Variants in TLN2 observed in about 807,000 individuals in gnomAD.
The protein encoded by TLN2 is talin-2.
A neutral mutation model predicts 294.7 loss-of-function variants in TLN2; 118 were observed. The ratio of observed to expected loss-of-function variants is 0.40; its 90% confidence interval spans 0.34 to 0.47. The LOEUF (loss-of-function observed/expected upper bound fraction) is 0.47. Among genes scored for constraint, TLN2 ranks in the 20% least tolerant of loss-of-function variants. The probability of loss-of-function intolerance (pLI) is 0.84; values close to 1 mark genes in which losing one functional copy is unlikely to be tolerated. For synonymous variants in TLN2, 1,431 were observed against 1,304.5 expected, an observed-to-expected ratio of 1.10 and a Z score of -2.09; for missense variants, 3,083 against 3,282.2, an observed-to-expected ratio of 0.94 and a Z score of 1.48.
Position 62,694,319 on chromosome 15 carries a change from CAAAGT to C in TLN2, c.1224_1228del (p.Ser408ArgfsTer8), listed in dbSNP as rs1193007269. The C allele has an allele frequency of 1.2e-6, 2 of 1,613,882 alleles. No individual in the cohort carries two copies. The highest frequency in any genetic ancestry group is 1.7e-5 in the Admixed American group (1 of 59,986). ...TCTTGTTTTATTGCATTTCCAGAAACAAAGTAAAGATCGATTTGGACTAGAAGGTG... is the reference window on the plus strand; with the variant it reads ...TCTTGTTTTATTGCATTTCCAGAAACAAAGATCGATTTGGACTAGAAGGTG... On this transcript the variant is annotated frameshift_variant, in exon 14 of 59. Coordinates refer to ENST00000636159, the MANE Select transcript of TLN2 (RefSeq NM_015059.3). LOFTEE classifies it high-confidence loss of function.
At position 62,824,590 on chromosome 15, in the gene TLN2, A is replaced by C. The variant is rs2067868929; in HGVS notation, c.7002+3980A>C. 4.6e-5 allele frequency among the ~76,000 whole-genome samples: 7 copies of C among 152,214 alleles called. No individual in the cohort carries two copies. The South Asian group carries it at 1.4e-3, about 31-fold the overall frequency. The stretch of plus-strand genomic sequence containing the variant: ...AAACCTTGGATATAGGACTAAATAT[A>C]TCTCATGAAGGTAATATAATGTTGA... On this transcript the variant is annotated intron_variant, in intron 54 of 58. Coordinates refer to ENST00000636159, the MANE Select transcript of TLN2 (RefSeq NM_015059.3).
chr15:62,755,417 G>GTAAT, intron 36 of TLN2, 115 bp from the exon 37 acceptor site: 1 of 1,310,440 alleles, frequency 7.6e-7, no homozygotes, highest in Non-Finnish European at 1.0e-6. Context: ...AGACATGCTT[G>GTAAT]TAATTACACA....
At chr15:62,574,628 C>G (rs2044233323) in intron 1 of TLN2, among the ~76,000 whole-genome samples, 1 of 109,422 alleles carries the variant, frequency 9.1e-6, no homozygotes. Flanking sequence ...AAGACTATTT[C>G]CTTTTGTGTG....
At chr15:62,743,729 G>A (rs184237582) in intron 32 of TLN2, among the ~76,000 whole-genome samples, 2 of 152,098 alleles carry the variant, frequency 1.3e-5, no homozygotes, top group African/African-American at 2.4e-5. Context: ...AACGAAGGGG[G>A]TATCCTACCT....
intron 32 of TLN2, among the ~76,000 whole-genome samples, chr15:62,744,333 T>G (rs1363261363): frequency 2.0e-5 from 3 of 152,150 alleles, no homozygotes; most frequent in African/African-American, 7.2e-5. Flanking sequence ...CTCATTGTCT[T>G]GCCTTTTCCA....
At chr15:62,392,857 C>T (rs28567922) in intron 1 of TLN2, among the ~76,000 whole-genome samples, 2,407 of 152,178 alleles carry the variant, frequency 0.016, 55 homozygotes, top group African/African-American at 0.052. Context: ...CATGAAGCGC[C>T]TGCAAAAGTG....
At chr15:62,719,420 C>T (rs551929463) in intron 24 of TLN2, among the ~76,000 whole-genome samples, 24 of 152,326 alleles carry the variant, frequency 1.6e-4, no homozygotes, top group African/African-American at 2.9e-4. Flanking sequence ...ACCTGTGAAT[C>T]GTGTAGATCC....
At chr15:62,822,265 G>T (rs2067634730) in intron 54 of TLN2, among the ~76,000 whole-genome samples, 1 of 152,154 alleles carries the variant, frequency 6.6e-6, no homozygotes, top group Admixed American at 6.5e-5. Context: ...TAAGAACACT[G>T]CCTGACATAC....
chr15:62,708,608 C>G lies in TLN2; in HGVS notation c.2279C>G (p.Ala760Gly), dbSNP rs2059219901. ...VENCVRACQA[A>G]TTDSELLKQV... ...AACTGTGTCCGTGCCTGCCAGGCGG[C>G]CACTACCGATAGTGAGCTCCTGAAG... The change falls in exon 21 of 59, where the codon GCC (alanine) becomes GGC (glycine). Residue 760 changes from alanine (A) to glycine (G), a missense_variant. Physicochemically the swap from Ala to Gly is moderately conservative, Grantham distance 60. Transcript: ENST00000636159. 1 of 1,614,092 alleles carries G rather than the reference C, an allele frequency of 6.2e-7. No homozygotes were observed.
At chr15:62,821,277 C>A (rs968969122) in intron 54 of TLN2, among the ~76,000 whole-genome samples, 2 of 152,256 alleles carry the variant, frequency 1.3e-5, no homozygotes, top group African/African-American at 4.8e-5. Context: ...ATACCTCCTA[C>A]CCCACCTTCC....
intron 1 of TLN2, among the ~76,000 whole-genome samples, chr15:62,437,624 C>T (rs1257266892): frequency 6.6e-6 from 1 of 152,124 alleles, no homozygotes; most frequent in Non-Finnish European, 1.5e-5. Flanking sequence ...TGTGTGTCAT[C>T]TGGAGCCATT....
intron 36 of TLN2, 191 bp from the exon 37 acceptor site, chr15:62,755,341 T>A: frequency 1.6e-6 from 1 of 638,528 alleles, no homozygotes; most frequent in African/African-American, 1.8e-5. Flanking sequence ...TATTCTTTCT[T>A]TATTATCTGT....
intron 52 of TLN2, among the ~76,000 whole-genome samples, chr15:62,811,510 G>T (rs1330788991): frequency 6.6e-6 from 1 of 152,134 alleles, no homozygotes; most frequent in Admixed American, 6.5e-5. Flanking sequence ...ATAGAACCTT[G>T]TTATAACTAA....
At chr15:62,678,399 G>A (rs1464844271) in intron 11 of TLN2, among the ~76,000 whole-genome samples, 2 of 152,096 alleles carry the variant, frequency 1.3e-5, no homozygotes, top group Non-Finnish European at 1.5e-5. Context: ...AAGCCACTAA[G>A]GTGTTTGATA....
intron 46 of TLN2, among the ~76,000 whole-genome samples, chr15:62,795,021 T>C (rs955343370): frequency 6.6e-6 from 1 of 152,084 alleles, no homozygotes. Context: ...TTGGGTGCAT[T>C]GGGCCATCCT....
rs565073096 is a variant in TLN2, at chr15:62,458,604, G to GGAAAA, written c.-238+67919_-238+67920insGAAAA. 1.5e-5 allele frequency among the ~76,000 whole-genome samples: 2 copies of GGAAAA among 130,128 alleles called. 1 individual carries two copies. Among genetic ancestry groups the GGAAAA allele is most frequent in the Non-Finnish European group, 3.2e-5 (2 of 63,116 alleles). 85.4% of individuals were successfully genotyped at this position (130,128 alleles called of 152,430 possible). On this transcript the variant is annotated intron_variant, in intron 1 of 58. Transcript: ENST00000636159. ...AACATGGCAAAACCTCGTCTCTACA[G>GGAAAA]AAAAAAAAAAAAAATTTAGCTGGGT...
chr15:62,826,828 G>A (rs2068251202), intron 54 of TLN2, among the ~76,000 whole-genome samples: 1 of 152,060 alleles, frequency 6.6e-6, no homozygotes, highest in Non-Finnish European at 1.5e-5. Flanking sequence ...TTTCCCTCAA[G>A]GACATTTAAA....
intron 1 of TLN2, among the ~76,000 whole-genome samples, chr15:62,391,737 G>T (rs979654222): frequency 1.3e-5 from 2 of 152,244 alleles, no homozygotes; most frequent in Admixed American, 6.5e-5. Context: ...ACGCCAGCCG[G>T]CGGGGCTTGG....
chr15:62,767,463 T>A (rs1005976087), intron 41 of TLN2, among the ~76,000 whole-genome samples: 54 of 152,078 alleles, frequency 3.6e-4, no homozygotes, highest in African/African-American at 1.2e-3. Context: ...TGCCTCAGCC[T>A]CCCGAGTAGC....
Sources: allele counts gnomAD v4.1 joint callset (sites outside exome capture counted in the v4.1 genomes callset), GRCh38; gene constraint gnomAD v4.1.1; transcripts MANE v1.5; gene names NCBI Gene and HGNC (gene_info 2026-07-23, HGNC 2026-07-21).